CTNND1: variants seen among roughly 807,000 people sequenced by gnomAD.
The protein encoded by CTNND1 is catenin delta-1.
In CTNND1, 16 loss-of-function variants were observed where a neutral mutation model predicts 112.1. The observed-to-expected ratio is 0.14, with a 90% CI of 0.10 to 0.22. CTNND1 has a LOEUF of 0.22. Ranked by LOEUF, CTNND1 falls within the 10% of genes least tolerant of loss-of-function variation. The probability of loss-of-function intolerance (pLI) is 1.00; values close to 1 mark genes in which losing one functional copy is unlikely to be tolerated. For synonymous variants in CTNND1, 420 were observed against 446.5 expected (o/e 0.94, Z 0.75); for missense variants, 1,008 against 1,257.0 (o/e 0.80, Z 3.00).
At position 57,809,382 on chromosome 11, in the gene CTNND1, A is replaced by C; in HGVS notation, c.2351A>C (p.Glu784Ala). The C allele has an allele frequency of 1.2e-6, 2 of 1,614,010 alleles. No individual in the cohort carries two copies. The highest frequency in any genetic ancestry group is 1.7e-6 in the Non-Finnish European group (2 of 1,179,878). The change falls in exon 15 of 21, where the codon GAG (glutamate) becomes GCG (alanine). Residue 784 changes from glutamate (E) to alanine (A), a missense_variant. Physicochemically the swap from Glu to Ala is moderately radical, Grantham distance 107 (BLOSUM62 -1). Transcript: ENST00000399050. Reference protein sequence around the residue: ...TVISILNTINEVIAENLEAAK... With the variant: ...TVISILNTINAVIAENLEAAK... ...ATCTCTATTTTGAACACTATCAACG[A>C]GGTTATCGCTGAGAACTTGGAGGCT...
rs200768776 is a variant in CTNND1 at position 57,815,406 on chromosome 11, C to T, written c.2714C>T (p.Ser905Phe). Residue 905 changes from serine (S) to phenylalanine (F), a missense_variant, in exon 19 of 21, where the codon TCC becomes TTC. Ser to Phe is a radical substitution (Grantham distance 155, BLOSUM62 -2). Transcript: ENST00000399050. ...SNTKSLDNNY[S>F]TPNERGDHNR... ...TTTTTTTAACCAGATAACAACTATT[C>T]CACACCAAATGAGAGAGGAGACCAC... is the stretch of plus-strand genomic sequence containing the variant. 6.3e-7 allele frequency: 1 copy of T among 1,594,238 alleles called. No individual in the cohort carries two copies. The highest frequency in any genetic ancestry group is 1.1e-5 in the South Asian group (1 of 87,820).
intron 1 of CTNND1, among the ~76,000 whole-genome samples, chr11:57,768,115 G>A (rs572137137): frequency 2.0e-4 from 30 of 150,970 alleles, no homozygotes; most frequent in Middle Eastern, 3.4e-3. Context: ...GATTACAGGC[G>A]TGAGCCACCA....
rs1949966876 is a variant in CTNND1, at chr11:57,762,085, A to T, written c.-248A>T. On this transcript the variant is annotated 5_prime_UTR_variant, in exon 1 of 21. The change creates a premature stop within an existing upstream ORF in the 5' untranslated region. Transcript: ENST00000399050. The stretch of plus-strand genomic sequence containing the variant: ...GAAGAAAATGTATGTACTGACGGGA[A>T]AAGGAGGATAAGCAAGTCGAATTTT... 1.4e-5 allele frequency: 14 copies of T among 985,340 alleles called. No homozygotes were observed. The South Asian group carries it at 5.6e-4, about 40-fold the overall frequency. The allele number at this position is 985,340 out of a possible 1,614,324, so 61.0% of individuals were successfully genotyped here. A position where few individuals can be genotyped will look rare whatever the true frequency, so the allele number is the denominator to read the frequency against.
chr11:57,805,504 A>T (rs534886181), intron 9 of CTNND1, among the ~76,000 whole-genome samples: 1 of 151,850 alleles, frequency 6.6e-6, no homozygotes, highest in Non-Finnish European at 1.5e-5. Flanking sequence ...CGGCCTCCCA[A>T]AGTGCTGGGA....
intron 5 of CTNND1, 24 bp from the exon 6 acceptor site, chr11:57,796,427 GTTTTTC>G (rs1259018639): frequency 1.9e-6 from 3 of 1,541,092 alleles, no homozygotes; most frequent in African/African-American, 1.4e-5. Flanking sequence ...TCCTTAATTA[GTTTTTC>G]TTTTTCTTGT....
chr11:57,784,800 C>T (rs1379284113), intron 1 of CTNND1, among the ~76,000 whole-genome samples: 1 of 152,114 alleles, frequency 6.6e-6, no homozygotes, highest in Non-Finnish European at 1.5e-5. Context: ...GCCGTGGTGC[C>T]CGGCCATGAC....
chr11:57,781,824 GT>G (rs940720268), intron 1 of CTNND1, among the ~76,000 whole-genome samples: 1 of 152,214 alleles, frequency 6.6e-6, no homozygotes, highest in Non-Finnish European at 1.5e-5. Flanking sequence ...AGAGAAGCAG[GT>G]TTTTTTCTTT....
At chr11:57,791,004 C>T (rs2060680404) in intron 2 of CTNND1, among the ~76,000 whole-genome samples, 1 of 152,086 alleles carries the variant, frequency 6.6e-6, no homozygotes, top group African/African-American at 2.4e-5. Context: ...CTTGTCCCTG[C>T]AGGATAGTGA....
In CTNND1 at chr11:57,801,930, A is replaced by G. The variant is rs757691006; in HGVS notation, c.1154A>G (p.Asn385Ser). The change falls in exon 7 of 21, where the codon AAT (asparagine) becomes AGT (serine). Residue 385 changes from asparagine (N) to serine (S), a missense_variant. By Grantham distance (46) the Asn-to-Ser change is conservative. This residue lies in a region of CTNND1 where 216 missense variants were observed against 342.8 expected (regional missense o/e 0.63). Transcript: ENST00000399050. ...LGFRLDAVKSNAAAYLQHLCY... is the reference protein window; with the variant it reads ...LGFRLDAVKSSAAAYLQHLCY... Reference sequence around the variant, plus strand: ...TTCCGCTTGGATGCTGTCAAGTCCAATGCAGCTGCATACCTGCAACACTTA... The same window carrying G: ...TTCCGCTTGGATGCTGTCAAGTCCAGTGCAGCTGCATACCTGCAACACTTA... The G allele has an allele frequency of 8.7e-6, 14 of 1,613,922 alleles. 1 individual carries two copies. In the South Asian group the frequency reaches 8.8e-5, roughly 10 times the overall value.
intron 6 of CTNND1, among the ~76,000 whole-genome samples, chr11:57,798,737 G>A (rs1217535585): frequency 6.6e-6 from 1 of 152,150 alleles, no homozygotes; most frequent in Non-Finnish European, 1.5e-5. Context: ...TTAGAATGGG[G>A]TCGACAGACC....
chr11:57,807,979 A>G (rs545913849), intron 12 of CTNND1, among the ~76,000 whole-genome samples, 186 bp from the exon 13 acceptor site: 7 of 152,318 alleles, frequency 4.6e-5, no homozygotes, highest in Admixed American at 3.3e-4. Flanking sequence ...CCATGGATTC[A>G]TTATTCTTAA....
chr11:57,770,385 T>C (rs566332106), intron 1 of CTNND1, among the ~76,000 whole-genome samples: 164 of 151,212 alleles, frequency 1.1e-3, no homozygotes, highest in African/African-American at 4.0e-3. Flanking sequence ...TTGGGCTCGG[T>C]GGCTCACACC....
At chr11:57,794,144 A>G in intron 4 of CTNND1, 63 bp downstream of exon 4, 1 of 1,459,946 alleles carries the variant, frequency 6.8e-7, no homozygotes, top group East Asian at 2.3e-5. Context: ...CCAGCCTATA[A>G]GAGCATATTT....
intron 3 of CTNND1, chr11:57,793,194 AAG>A (rs1231252299): frequency 6.6e-6 from 1 of 152,166 alleles, no homozygotes; most frequent in Non-Finnish European, 1.5e-5. Flanking sequence ...GGGGTGGAGG[AAG>A]AGTCTCCCAA....
intron 4 of CTNND1, 127 bp from the exon 5 acceptor site, chr11:57,795,449 TC>T (rs1202031516): frequency 4.2e-6 from 4 of 951,398 alleles, no homozygotes; most frequent in East Asian, 5.5e-5. Context: ...CATCTAAAAA[TC>T]CTGAGGCCTA....
intron 9 of CTNND1, among the ~76,000 whole-genome samples, 196 bp downstream of exon 9, chr11:57,804,976 G>A (rs898803675): frequency 6.6e-6 from 1 of 152,170 alleles, no homozygotes; most frequent in African/African-American, 2.4e-5. Context: ...TCAGCTCACT[G>A]CAACTTCTGC....
At chr11:57,805,831 GA>G in intron 9 of CTNND1, 50 bp from the exon 10 acceptor site, 8 of 1,581,970 alleles carry the variant, frequency 5.1e-6, no homozygotes, top group Non-Finnish European at 6.9e-6. Context: ...TACTTGTGGA[GA>G]AATCACAATA....
chr11:57,801,007 G>A (rs1364862272), intron 6 of CTNND1, among the ~76,000 whole-genome samples: 2 of 152,128 alleles, frequency 1.3e-5, no homozygotes, highest in Non-Finnish European at 2.9e-5. Context: ...AGAGCTGGAG[G>A]TATTGTCTTT....
intron 6 of CTNND1, among the ~76,000 whole-genome samples, chr11:57,801,375 C>CTCTA (rs2062004041): frequency 6.6e-6 from 1 of 152,158 alleles, no homozygotes; most frequent in Non-Finnish European, 1.5e-5. Flanking sequence ...TTATCCTGAT[C>CTCTA]TCTACCTAGA....
Sources: allele counts gnomAD v4.1 joint callset (sites outside exome capture counted in the v4.1 genomes callset), GRCh38; gene constraint gnomAD v4.1.1; regional missense constraint gnomAD v4.1.1; transcripts MANE v1.5; gene names NCBI Gene and HGNC (gene_info 2026-07-23, HGNC 2026-07-21).